RBM33: variants seen among roughly 807,000 people sequenced by gnomAD.
RBM33 encodes RNA-binding protein 33.
A neutral mutation model predicts 132.6 loss-of-function variants in RBM33; 28 were observed. The ratio of observed to expected loss-of-function variants is 0.21; its 90% CI spans 0.16 to 0.29. RBM33 has a LOEUF of 0.29. Ranked by LOEUF, RBM33 falls within the 10% of genes least tolerant of loss-of-function variation. RBM33 has a pLI of 1.00. For missense variants in RBM33, 1,291 were observed against 1,518.5 expected, an observed-to-expected ratio of 0.85 and a Z score of 2.49; for synonymous variants, 634 against 593.0, an observed-to-expected ratio of 1.07 and a Z score of -1.01.
intron 6 of RBM33, among the ~76,000 whole-genome samples, chr7:155,706,060 T>C (rs1213358413): frequency 2.0e-5 from 3 of 152,214 alleles, no homozygotes. Flanking sequence ...TGTTTTTAAG[T>C]GAGAATGATC....
chr7:155,680,562 T>C (rs746132890), intron 4 of RBM33, 28 bp from the exon 5 acceptor site: 14 of 592,206 alleles, frequency 2.4e-5, no homozygotes, highest in Non-Finnish European at 3.1e-5. Flanking sequence ...CATTGGGTGC[T>C]TTTTTTTTTT....
rs80142947 is a variant in RBM33 at position 155,765,952 on chromosome 7, G to T, written c.3187-515G>T. 8.0e-3 allele frequency among the ~76,000 whole-genome samples: 1,217 copies of T among 152,282 alleles called. 43 individuals are homozygous for T. The South Asian group carries it at 0.08, about 10-fold the overall frequency. ...CTGGTTGCAGAATCTGCCTGGGAGG[G>T]TTTCAGGGTAGCAAATGTAGTCTCT... On this transcript the variant is annotated intron_variant, in intron 15 of 17. Coordinates refer to ENST00000401878, the MANE Select transcript of RBM33 (RefSeq NM_053043.3).
chr7:155,763,750 C>A, intron 14 of RBM33, 62 bp from the exon 15 acceptor site: 2 of 1,495,602 alleles, frequency 1.3e-6, no homozygotes, highest in Non-Finnish European at 1.8e-6. Context: ...CTTCCTAATG[C>A]TGGGGAGGAG....
At chr7:155,758,006 C>A (rs1176886770) in intron 14 of RBM33, among the ~76,000 whole-genome samples, 2 of 152,138 alleles carry the variant, frequency 1.3e-5, no homozygotes, top group Non-Finnish European at 2.9e-5. Context: ...GATCCAAACA[C>A]CTCCCACTAA....
intron 9 of RBM33, among the ~76,000 whole-genome samples, chr7:155,736,633 A>G (rs1771506685): frequency 2.0e-5 from 3 of 152,088 alleles, no homozygotes; most frequent in Non-Finnish European, 4.4e-5. Context: ...TCTGTGTACT[A>G]TTTTTTCTGT....
chr7:155,725,631 A>G (rs1278360060), intron 9 of RBM33, among the ~76,000 whole-genome samples: 2 of 152,174 alleles, frequency 1.3e-5, no homozygotes, highest in Non-Finnish European at 1.5e-5. Flanking sequence ...AGGAGGGGCC[A>G]TGGCAGGGGT....
At chr7:155,702,521 A>C (rs917972992) in intron 6 of RBM33, among the ~76,000 whole-genome samples, 4 of 152,226 alleles carry the variant, frequency 2.6e-5, no homozygotes, top group African/African-American at 9.6e-5. Flanking sequence ...CTTAGGTGAA[A>C]GATGGAGCGA....
chr7:155,660,546 C>CT (rs1023130465), intron 1 of RBM33, among the ~76,000 whole-genome samples: 1 of 152,226 alleles, frequency 6.6e-6, no homozygotes, highest in Non-Finnish European at 1.5e-5. Context: ...ATTTGGGACT[C>CT]TTTGAGCACT....
chr7:155,765,136 C>T lies in RBM33; in HGVS notation c.3186+1118C>T, dbSNP rs141700016. Reference sequence around the variant, plus strand: ...TTTCTTCAACTTAAATGTAAATGCTCCTGTGACTGAGGGTCATGATGTTTC... The same window carrying T: ...TTTCTTCAACTTAAATGTAAATGCTTCTGTGACTGAGGGTCATGATGTTTC... On this transcript the variant is annotated intron_variant, in intron 15 of 17. Coordinates refer to ENST00000401878, the MANE Select transcript of RBM33 (RefSeq NM_053043.3). 5.0e-3 allele frequency among the ~76,000 whole-genome samples: 755 copies of T among 152,264 alleles called. 4 individuals are homozygous for T. Among genetic ancestry groups the T allele is most frequent in the Middle Eastern group, 0.01 (3 of 294 alleles).
At chr7:155,742,192 G>A in intron 13 of RBM33, 86 bp downstream of exon 13, 3 of 1,233,384 alleles carry the variant, frequency 2.4e-6, no homozygotes, top group South Asian at 1.8e-5. Context: ...CTCTCACTAA[G>A]TTATTCACAA....
Position 155,766,589 on chromosome 7 carries a change from G to A in RBM33, c.3309G>A (p.Glu1103=). 1 of 1,613,088 alleles carries A rather than the reference G, an allele frequency of 6.2e-7. No individual in the cohort carries two copies. Among genetic ancestry groups the A allele is most frequent in the Non-Finnish European group, 8.5e-7 (1 of 1,179,584 alleles). The part of the protein sequence containing the change: ...CKPQPCVVSV[E]GLSSSTTDAQ... ...CCCAGCCCTGCGTGGTGTCTGTGGA[G>A]GGGCTGTCCTCGTCCACCACGGATG... Residue 1103 remains glutamate (E), a synonymous_variant, in exon 16 of 18, where the codon GAG becomes GAA. Coordinates refer to ENST00000401878, the MANE Select transcript of RBM33 (RefSeq NM_053043.3).
At chr7:155,687,420 G>A (rs1799512636) in intron 5 of RBM33, among the ~76,000 whole-genome samples, 1 of 152,206 alleles carries the variant, frequency 6.6e-6, no homozygotes, top group Non-Finnish European at 1.5e-5. Context: ...CTCCCATTCT[G>A]TAGGTTGCCT....
intron 3 of RBM33, 109 bp from the exon 4 acceptor site, chr7:155,678,499 A>G (rs912927789): frequency 4.4e-6 from 3 of 681,258 alleles, no homozygotes; most frequent in Non-Finnish European, 7.3e-6. Context: ...CCGGGTGGCA[A>G]ACGTTTTAAT....
At chr7:155,699,001 G>A (rs751188374) in intron 5 of RBM33, among the ~76,000 whole-genome samples, 8 of 152,010 alleles carry the variant, frequency 5.3e-5, no homozygotes, top group Non-Finnish European at 1.2e-4. Flanking sequence ...ATTTCTCTAG[G>A]GTAAATATCT....
At chr7:155,672,372 T>G (rs1463068425) in intron 2 of RBM33, among the ~76,000 whole-genome samples, 1 of 152,194 alleles carries the variant, frequency 6.6e-6, no homozygotes, top group Non-Finnish European at 1.5e-5. Context: ...AGCCTCCCCA[T>G]ACTTAAAAAG....
Position 155,775,039 on chromosome 7 carries a change from T to C in RBM33, c.3511T>C (p.Ter1171ArgextTer40). The C allele has an allele frequency of 6.2e-7, 1 of 1,613,202 alleles. No homozygotes were observed. The highest frequency in any genetic ancestry group is 8.5e-7 in the Non-Finnish European group (1 of 1,179,276). ...CATAAATGTGGCCCTGATCGTGGAGTGAGTCCTAACAAGAGAGCCTGACCT... is the reference window on the plus strand; with the variant it reads ...CATAAATGTGGCCCTGATCGTGGAGCGAGTCCTAACAAGAGAGCCTGACCT... ...SHINVALIVE[*>R] The change falls in exon 18 of 18, where the codon TGA becomes CGA. Residue 1171 changes from the stop codon to arginine, a stop_lost. Transcript: ENST00000401878.
chr7:155,714,184 G>GC (rs1461021638), intron 8 of RBM33, among the ~76,000 whole-genome samples: 1 of 152,180 alleles, frequency 6.6e-6, no homozygotes. Flanking sequence ...GCGCTCATCT[G>GC]CGCACACTAG....
At position 155,674,079 on chromosome 7, in the gene RBM33, C is replaced by G. The variant is rs970468084; in HGVS notation, c.171+1164C>G. On this transcript the variant is annotated intron_variant, in intron 3 of 17. Coordinates refer to ENST00000401878, the MANE Select transcript of RBM33 (RefSeq NM_053043.3). ...CATCATTAGCCTGCAGGTCGCCTGGCTTTGGCCTAACCCTGCTTTCCCTCC... is the reference window on the plus strand; with the variant it reads ...CATCATTAGCCTGCAGGTCGCCTGGGTTTGGCCTAACCCTGCTTTCCCTCC... 1.0e-4 allele frequency among the ~76,000 whole-genome samples: 15 copies of G among 150,690 alleles called. No individual in the cohort carries two copies. In the East Asian group the frequency reaches 2.9e-3, roughly 30 times the overall value.
chr7:155,770,811 A>T (rs567274536), intron 16 of RBM33, among the ~76,000 whole-genome samples: 13 of 152,240 alleles, frequency 8.5e-5, no homozygotes, highest in African/African-American at 3.1e-4. Context: ...AGAACTTTTC[A>T]TGGGGAAAAG....
Sources: gnomAD v4.1 joint callset for allele counts (sites outside exome capture counted in the v4.1 genomes callset) on GRCh38, gnomAD v4.1.1 for gene constraint, MANE v1.5 for transcripts, NCBI Gene and HGNC (gene_info 2026-07-23, HGNC 2026-07-21) for gene names.